Variants in EPHA5 observed in about 807,000 individuals in gnomAD.
EPHA5 encodes ephrin type-A receptor 5.
A neutral mutation model predicts 105.0 loss-of-function variants in EPHA5; 60 were observed. The observed-to-expected ratio is 0.57, with a 90% CI of 0.46 to 0.71. The LOEUF (loss-of-function observed/expected upper bound fraction) is 0.71, where lower values mean the gene tolerates loss of function less well. Ranked by LOEUF, EPHA5 falls within the 30% of genes least tolerant of loss-of-function variation. The pLI is 0.00. For synonymous variants in EPHA5, 513 were observed against 449.1 expected, an observed-to-expected ratio of 1.14 and a Z score of -1.80; for missense variants, 1,218 against 1,274.7, an observed-to-expected ratio of 0.96 and a Z score of 0.68.
intron 5 of EPHA5, among the ~76,000 whole-genome samples, chr4:65,439,257 C>T (rs1411000126): frequency 1.3e-5 from 2 of 152,072 alleles, no homozygotes; most frequent in Non-Finnish European, 2.9e-5. Flanking sequence ...TATATAAAAA[C>T]TACTTTATAT....
intron 16 of EPHA5, among the ~76,000 whole-genome samples, chr4:65,328,273 T>C (rs899689589): frequency 6.6e-6 from 1 of 151,288 alleles, no homozygotes; most frequent in African/African-American, 2.4e-5. Flanking sequence ...AAGCTTCAAA[T>C]GTTATGAACT....
At chr4:65,519,066 A>G (rs542183424) in intron 3 of EPHA5, among the ~76,000 whole-genome samples, 33 of 152,282 alleles carry the variant, frequency 2.2e-4, no homozygotes, top group Admixed American at 5.2e-4. Flanking sequence ...AAAATCCTCA[A>G]TAAAATTCTG....
intron 5 of EPHA5, among the ~76,000 whole-genome samples, chr4:65,425,823 T>C (rs1191216714): frequency 1.3e-5 from 2 of 152,044 alleles, no homozygotes; most frequent in Non-Finnish European, 2.9e-5. Flanking sequence ...ATTTGGTATT[T>C]TCCTGACCCT....
At chr4:65,648,105 CATT>C (rs1473818566) in intron 1 of EPHA5, among the ~76,000 whole-genome samples, 1 of 152,066 alleles carries the variant, frequency 6.6e-6, no homozygotes, top group Non-Finnish European at 1.5e-5. Context: ...ATTGCTAACT[CATT>C]ATATTTGTTG....
At chr4:65,537,604 C>A (rs1447069837) in intron 3 of EPHA5, among the ~76,000 whole-genome samples, 1 of 151,630 alleles carries the variant, frequency 6.6e-6, no homozygotes, top group Non-Finnish European at 1.5e-5. Flanking sequence ...AATGTTTCTG[C>A]ATATTTGGTA....
Position 65,664,621 on chromosome 4 carries a change from C to G in EPHA5, c.181+4941G>C, listed in dbSNP as rs191840578. On this transcript the variant is annotated intron_variant, in intron 1 of 16. Transcript: ENST00000613740. ...ACTATAATAACTCTTTTGAAGAAACCCTTATCTATCCTATGAATTACATAA... is the reference window on the plus strand; with the variant it reads ...ACTATAATAACTCTTTTGAAGAAACGCTTATCTATCCTATGAATTACATAA... Among the ~76,000 whole-genome samples the G allele has an allele frequency of 3.7e-3, 567 of 151,740 alleles. 5 individuals are homozygous for G. Among genetic ancestry groups the G allele is most frequent in the African/African-American group, 0.013 (552 of 41,476 alleles).
intron 8 of EPHA5, among the ~76,000 whole-genome samples, chr4:65,382,708 A>G (rs1719680393): frequency 6.6e-6 from 1 of 151,840 alleles, no homozygotes; most frequent in African/African-American, 2.4e-5. Context: ...TCCAGGCCTT[A>G]CTTTACAATA....
In EPHA5 at chr4:65,351,551, T is replaced by C. The variant is rs1479517156; in HGVS notation, c.2283A>G (p.Arg761=). ...FTVIQLVGML[R]GISAGMKYLS... is the part of the protein sequence containing the mutation. ...GGTACTTCATTCCTGCAGAGATACCTCTCAGCATGCCAACAAGCTGAATCA... is the reference window on the plus strand; with the variant it reads ...GGTACTTCATTCCTGCAGAGATACCCCTCAGCATGCCAACAAGCTGAATCA... The change falls in exon 13 of 17, where the codon AGA becomes AGG. Residue 761 remains arginine (R), a synonymous_variant. Coordinates refer to ENST00000613740, the MANE Select transcript of EPHA5 (RefSeq NM_001281766.3). 1 of 1,613,702 alleles carries C rather than the reference T, an allele frequency of 6.2e-7. No individual in the cohort carries two copies. The highest frequency in any genetic ancestry group is 1.7e-5 in the Admixed American group (1 of 59,942).
intron 2 of EPHA5, 130 bp from the exon 3 acceptor site, chr4:65,602,434 C>T (rs755657119): frequency 1.6e-4 from 102 of 653,088 alleles, no homozygotes; most frequent in Non-Finnish European, 2.4e-4. Flanking sequence ...GTGATATTTA[C>T]AGAAGGAACT....
chr4:65,349,787 T>A (rs1393065323), intron 13 of EPHA5, among the ~76,000 whole-genome samples: 1 of 152,192 alleles, frequency 6.6e-6, no homozygotes, highest in Non-Finnish European at 1.5e-5. Context: ...GATTGTATTA[T>A]GAGTCCTAGC....
At chr4:65,438,023 T>C (rs1045542341) in intron 5 of EPHA5, among the ~76,000 whole-genome samples, 1 of 151,992 alleles carries the variant, frequency 6.6e-6, no homozygotes, top group Non-Finnish European at 1.5e-5. Context: ...ACAGTATTTA[T>C]CTGCTTATAC....
rs970914164 is a variant in EPHA5, at chr4:65,336,071, C to G, written c.2650G>C (p.Ala884Pro). 1 of 1,613,018 alleles carries G rather than the reference C, an allele frequency of 6.2e-7. No individual in the cohort carries two copies. Residue 884 changes from alanine to proline, a missense_variant, in exon 15 of 17, where the codon GCT becomes CCT. This residue lies in a region of EPHA5 where 971 missense variants were observed against 1,013.5 expected (regional missense o/e 0.96). Coordinates refer to ENST00000613740, the MANE Select transcript of EPHA5 (RefSeq NM_001281766.3). ...YRLPSPMDCP[A>P]ALYQLMLDCW... ...TCCAGCATTAACTGATAGAGAGCAG[C>G]AGGACAATCCATGGGGCTTGGCAGA...
At chr4:65,498,853 A>C (rs964463740) in intron 3 of EPHA5, among the ~76,000 whole-genome samples, 1 of 151,742 alleles carries the variant, frequency 6.6e-6, no homozygotes, top group Admixed American at 6.6e-5. Flanking sequence ...TTATCCAAGA[A>C]AAATGTCATA....
At chr4:65,488,111 C>T (rs920523391) in intron 5 of EPHA5, among the ~76,000 whole-genome samples, 16 of 152,058 alleles carry the variant, frequency 1.1e-4, no homozygotes, top group Non-Finnish European at 2.1e-4. Flanking sequence ...TTACAAGACA[C>T]CTATGTCTTG....
At chr4:65,460,701 G>T (rs1728041499) in intron 5 of EPHA5, among the ~76,000 whole-genome samples, 1 of 151,614 alleles carries the variant, frequency 6.6e-6, no homozygotes. Flanking sequence ...TTTTTCAATT[G>T]ATTTGTATGT....
intron 5 of EPHA5, among the ~76,000 whole-genome samples, chr4:65,438,971 T>G (rs1427761174): frequency 3.3e-5 from 5 of 152,072 alleles, no homozygotes; most frequent in Non-Finnish European, 2.9e-5. Flanking sequence ...GAGCTAACAC[T>G]CTACACAATG....
Position 65,505,086 on chromosome 4 carries a change from T to G in EPHA5, c.911-9543A>C, listed in dbSNP as rs139704303. 4.9e-4 allele frequency among the ~76,000 whole-genome samples: 75 copies of G among 152,146 alleles called. 1 individual carries two copies. The East Asian group carries it at 0.015, about 29-fold the overall frequency. ...ACATTTTAAGTATTTGGTTACATAT[T>G]TCCCACTTCATCACAAATTTTAATT... On this transcript the variant is annotated intron_variant, in intron 3 of 16. Transcript: ENST00000613740.
chr4:65,647,651 T>C (rs985412810), intron 1 of EPHA5, among the ~76,000 whole-genome samples: 11 of 152,168 alleles, frequency 7.2e-5, no homozygotes, highest in Non-Finnish European at 1.6e-4. Flanking sequence ...ACATTAGATA[T>C]CAGAAATTTT....
At chr4:65,571,332 A>C (rs1740156441) in intron 3 of EPHA5, among the ~76,000 whole-genome samples, 1 of 151,854 alleles carries the variant, frequency 6.6e-6, no homozygotes, top group South Asian at 2.1e-4. Flanking sequence ...AAAAAAAAAA[A>C]AACAGATCAA....
Sources: allele counts gnomAD v4.1 joint callset (sites outside exome capture counted in the v4.1 genomes callset), GRCh38; gene constraint gnomAD v4.1.1; regional missense constraint gnomAD v4.1.1; transcripts MANE v1.5; gene names NCBI Gene and HGNC (gene_info 2026-07-23, HGNC 2026-07-21).